The following ACIN1 variants were observed in gnomAD, a reference collection of about 807,000 sequenced individuals.
The protein encoded by ACIN1 is apoptotic chromatin condensation inducer in the nucleus.
A neutral mutation model predicts 146.6 loss-of-function variants in ACIN1; 16 were observed. The ratio of observed to expected loss-of-function variants is 0.11; its 90% CI spans 0.07 to 0.17. The LOEUF (loss-of-function observed/expected upper bound fraction) is 0.17. ACIN1 is among the 10% of genes least tolerant of loss of function. ACIN1 has a pLI of 1.00. For missense variants in ACIN1, 1,357 were observed against 1,609.3 expected, an observed-to-expected ratio of 0.84 and a Z score of 2.68; for synonymous variants, 569 against 582.7, an observed-to-expected ratio of 0.98 and a Z score of 0.34.
intron 8 of ACIN1, chr14:23,071,648 G>T: frequency 7.6e-7 from 1 of 1,316,158 alleles, no homozygotes; most frequent in Non-Finnish European, 1.0e-6. Context: ...AGCTGAGTGA[G>T]CAAGGTTCTT....
intron 8 of ACIN1, among the ~76,000 whole-genome samples, chr14:23,074,167 C>T (rs1170513286): frequency 1.3e-5 from 2 of 151,388 alleles, no homozygotes; most frequent in Non-Finnish European, 2.9e-5. Context: ...GAATAAGAAT[C>T]TTACCACGTT....
rs757458937 is a variant in ACIN1 at position 23,070,044 on chromosome 14, C to A, written c.2124-427G>T. Among the ~76,000 whole-genome samples, 4 of 152,024 alleles carry A rather than the reference C, an allele frequency of 2.6e-5. No homozygotes were observed. The South Asian group carries it at 8.3e-4, about 32-fold the overall frequency. On this transcript the variant is annotated intron_variant, in intron 8 of 18. Transcript: ENST00000605057. ...GGCACCTTTATATGGCAAAATTGCA[C>A]GAGAAACGAAGGGAAGCCCGATTCC...
chr14:23,061,190 G>A lies in ACIN1; in HGVS notation c.3425-6C>T. 6.2e-7 allele frequency: 1 copy of A among 1,614,078 alleles called. No individual in the cohort carries two copies. Among genetic ancestry groups the A allele is most frequent in the Non-Finnish European group, 8.5e-7 (1 of 1,179,988 alleles). ...TGGTTCCTCCTGGGCTTTCTCTGAG[G>A]TGGAAAAAAGTGAACCAGATATGAT... is the stretch of plus-strand genomic sequence containing the variant. On this transcript the variant is annotated splice_region_variant and splice_polypyrimidine_tract_variant and intron_variant, in intron 17 of 18. Coordinates refer to ENST00000605057, the MANE Select transcript of ACIN1 (RefSeq NM_001386863.1).
upstream of ACIN1, chr14:23,095,186 G>A (rs145278154): frequency 1.2e-6 from 2 of 1,614,008 alleles, no homozygotes; most frequent in African/African-American, 2.7e-5. Flanking sequence ...CCCTTCGAAC[G>A]TACCGAGATG....
At chr14:23,069,108 C>T in intron 9 of ACIN1, 1 of 999,234 alleles carries the variant, frequency 1.0e-6, no homozygotes, top group Non-Finnish European at 1.2e-6. Context: ...TGGGCTCCAT[C>T]AGGCTTTTAA....
At position 23,080,670 on chromosome 14, in the gene ACIN1, T is replaced by A; in HGVS notation, c.665A>T (p.Glu222Val). ...EEEEEEEEEEEEDDEEEEGDD... is the reference protein window; with the variant it reads ...EEEEEEEEEEVEDDEEEEGDD... ...ACCTTCCTCTTCTTCATCATCTTCT[T>A]CCTCCTCCTCCTCCTCCTCTTCTTC... The change falls in exon 6 of 19, where the codon GAA (glutamate) becomes GTA (valine). Residue 222 changes from glutamate (E) to valine (V), a missense_variant. Physicochemically the swap from Glu to Val is moderately radical, Grantham distance 121 (BLOSUM62 -2). Coordinates refer to ENST00000605057, the MANE Select transcript of ACIN1 (RefSeq NM_001386863.1). 1 of 1,411,966 alleles carries A rather than the reference T, an allele frequency of 7.1e-7. No individual in the cohort carries two copies. Among genetic ancestry groups the A allele is most frequent in the Non-Finnish European group, 9.6e-7 (1 of 1,042,556 alleles). 87.5% of individuals were successfully genotyped at this position (1,411,966 alleles called of 1,614,324 possible).
chr14:23,091,982 T>C (rs2048241845), intron 2 of ACIN1, among the ~76,000 whole-genome samples: 1 of 152,180 alleles, frequency 6.6e-6, no homozygotes, highest in African/African-American at 2.4e-5. Flanking sequence ...TATTTAAAAG[T>C]ATGAAATCAA....
chr14:23,079,692 G>A lies in ACIN1; in HGVS notation c.1643C>T (p.Pro548Leu), dbSNP rs779963812. ...TACATCTCTCTGCTTGGATCTGAGC[G>A]GTGAATGAGACCGAGAACCTGAACT... is the stretch of plus-strand genomic sequence containing the variant. Reference protein sequence around the residue: ...PDSSGSRSHSPLRSKQRDVAQ... With the variant: ...PDSSGSRSHSLLRSKQRDVAQ... Residue 548 changes from proline (P) to leucine (L), a missense_variant, in exon 6 of 19, where the codon CCG (proline) becomes CTG (leucine). Transcript: ENST00000605057. The A allele has an allele frequency of 1.2e-5, 19 of 1,614,114 alleles. No homozygotes were observed. The East Asian group carries it at 2.0e-4, about 17-fold the overall frequency.
rs749042086 is a variant in ACIN1, at chr14:23,080,788, C to G, written c.547G>C (p.Glu183Gln). The G allele has an allele frequency of 4.6e-5, 74 of 1,607,568 alleles. No individual in the cohort carries two copies. The highest frequency in any genetic ancestry group is 6.0e-5 in the Non-Finnish European group (70 of 1,175,864). ...VRQARAAKLS[E>Q]GSQPAEEEED... ...TCCTCCTCAGCAGGTTGGCTGCCCTCAGACAGTTTAGCTGCTCTTGCCTGA... is the reference window on the plus strand; with the variant it reads ...TCCTCCTCAGCAGGTTGGCTGCCCTGAGACAGTTTAGCTGCTCTTGCCTGA... Residue 183 changes from glutamate (E) to glutamine (Q), a missense_variant, in exon 6 of 19, where the codon GAG (glutamate) becomes CAG (glutamine). This residue lies in a region of ACIN1 where 771 missense variants were observed against 746.6 expected (regional missense o/e 1.03). Transcript: ENST00000605057.
intron 6 of ACIN1, 98 bp downstream of exon 6, chr14:23,079,449 A>G: frequency 6.5e-7 from 1 of 1,531,612 alleles, no homozygotes; most frequent in Admixed American, 2.0e-5. Flanking sequence ...GGCTTTTCCT[A>G]TTCCTTTCAG....
intron 2 of ACIN1, among the ~76,000 whole-genome samples, chr14:23,091,626 ATTTTTTTT>A: frequency 7.2e-6 from 1 of 137,950 alleles, no homozygotes; most frequent in East Asian, 2.1e-4. Flanking sequence ...TCCAGGAAAC[ATTTTTTTT>A]TTTTTTTTTG....
At chr14:23,088,518 A>G (rs1253916747) in intron 4 of ACIN1, among the ~76,000 whole-genome samples, 1 of 152,188 alleles carries the variant, frequency 6.6e-6, no homozygotes, top group African/African-American at 2.4e-5. Context: ...ATCTATTTCC[A>G]TGAAGAGTCT....
Position 23,095,080 on chromosome 14 carries a change from C to A in ACIN1, c.33G>T (p.Gly11=). 1 of 1,614,204 alleles carries A rather than the reference C, an allele frequency of 6.2e-7. No individual in the cohort carries two copies. The highest frequency in any genetic ancestry group is 8.5e-7 in the Non-Finnish European group (1 of 1,180,044). Residue 11 remains glycine (G), a synonymous_variant, in exon 1 of 19, where the codon GGG becomes GGT. Transcript: ENST00000605057. MAELEEVTLD[G]KPLQALRVTD... is the part of the protein sequence containing the mutation. ...TCACCCGCAGCGCCTGAAGAGGCTT[C>A]CCGTCCAGAGTCACCTCCTCCAGCT...
chr14:23,061,970 T>TC (rs2047303370), intron 16 of ACIN1, among the ~76,000 whole-genome samples, 198 bp downstream of exon 16: 1 of 47,954 alleles, frequency 2.1e-5, no homozygotes, highest in Non-Finnish European at 3.4e-5. Context: ...AGACTCTGTC[T>TC]CAAAAAAAAA....
intron 8 of ACIN1, 29 bp from the exon 9 acceptor site, chr14:23,069,646 G>T: frequency 1.2e-6 from 1 of 855,366 alleles, no homozygotes; most frequent in Non-Finnish European, 1.9e-6. Flanking sequence ...GGTGGTGGGG[G>T]GGCGGGCAGA....
Position 23,068,586 on chromosome 14 carries a change from G to C in ACIN1, c.2265+890C>G. 1 of 985,914 alleles carries C rather than the reference G, an allele frequency of 1.0e-6. No homozygotes were observed. The highest frequency in any genetic ancestry group is 1.2e-6 in the Non-Finnish European group (1 of 829,972). The allele number at this position is 985,914 out of a possible 1,614,324, so 61.1% of individuals were successfully genotyped here. ...TCTGATTGGGCAGCTCAGTAGCAGCGGGTGGGTCCAGAGGAAGAGGCGGCA... is the reference window on the plus strand; with the variant it reads ...TCTGATTGGGCAGCTCAGTAGCAGCCGGTGGGTCCAGAGGAAGAGGCGGCA... On this transcript the variant is annotated intron_variant, in intron 9 of 18. Transcript: ENST00000605057. The surrounding 1 kb of genome is among the most constrained non-coding windows in gnomAD (Gnocchi z 4.3).
chr14:23,061,024 C>T, intron 18 of ACIN1, 60 bp downstream of exon 18: 1 of 1,517,570 alleles, frequency 6.6e-7, no homozygotes, highest in South Asian at 1.1e-5. Flanking sequence ...TGAATCTCCC[C>T]TCACCCTGAC....
chr14:23,093,374 G>A lies in ACIN1; in HGVS notation c.204+105C>T, dbSNP rs967329229. The A allele has an allele frequency of 3.4e-6, 4 of 1,183,020 alleles. No homozygotes were observed. In the African/African-American group the frequency reaches 6.1e-5, roughly 18 times the overall value. 73.3% of individuals were successfully genotyped at this position (1,183,020 alleles called of 1,614,324 possible). ...GAACATTTCTGACTAAGAGAACTTA[G>A]GAAAACAGTCATGAGGACTTAAGCA... On this transcript the variant is annotated intron_variant, in intron 2 of 18. Transcript: ENST00000605057.
chr14:23,081,975 TCTACA>T (rs2047954963), intron 4 of ACIN1, 139 bp from the exon 5 acceptor site: 1 of 614,372 alleles, frequency 1.6e-6, no homozygotes, highest in South Asian at 2.3e-5. Context: ...TTCTTTGACT[TCTACA>T]CTAAAGAAAA....
Sources: allele counts gnomAD v4.1 joint callset (sites outside exome capture counted in the v4.1 genomes callset), GRCh38; gene constraint gnomAD v4.1.1; regional missense constraint gnomAD v4.1.1; non-coding constraint Gnocchi (gnomAD v3.1); transcripts MANE v1.5; gene names NCBI Gene and HGNC (gene_info 2026-07-23, HGNC 2026-07-21).